Variants in CDYL observed in about 807,000 individuals in gnomAD.
CDYL encodes the protein chromodomain Y like, also known as chromodomain Y-like protein.
Under a neutral mutation model 47.3 loss-of-function variants are expected in CDYL, and 8 were observed. The observed-to-expected ratio is 0.17, with a 90% confidence interval of 0.10 to 0.31. The LOEUF (loss-of-function observed/expected upper bound fraction) is 0.31, where lower values mean the gene tolerates loss of function less well. Among genes scored for constraint, CDYL ranks in the 10% least tolerant of loss-of-function variants. The pLI is 1.00. For synonymous variants in CDYL, 266 were observed against 265.0 expected, an observed-to-expected ratio of 1.00 and a Z score of -0.04; for missense variants, 471 against 701.4, an observed-to-expected ratio of 0.67 and a Z score of 3.71.
At chr6:4,711,768 T>A (rs1757156782) in intron 1 of CDYL, among the ~76,000 whole-genome samples, 2 of 151,928 alleles carry the variant, frequency 1.3e-5, no homozygotes, top group African/African-American at 4.8e-5. Flanking sequence ...CAAGCGAGTA[T>A]AAAAGAAAAA....
In CDYL at chr6:4,759,736, G is replaced by A. The variant is rs559194717; in HGVS notation, c.186+24892G>A. ...TCTACTTAAAATGCAAAAATTAGCC[G>A]GGCGTGGGGGTGTGTGCCTGTAATC... is the stretch of plus-strand genomic sequence containing the variant. On this transcript the variant is annotated intron_variant, in intron 3 of 8. Transcript: ENST00000328908. Among the ~76,000 whole-genome samples, 98 of 150,892 alleles carry A rather than the reference G, an allele frequency of 6.5e-4. 1 individual carries two copies. The highest frequency in any genetic ancestry group is 1.9e-3 in the African/African-American group (79 of 41,176).
At chr6:4,905,457 G>A (rs575585583) in intron 2 of CDYL, among the ~76,000 whole-genome samples, 1 of 152,310 alleles carries the variant, frequency 6.6e-6, no homozygotes, top group South Asian at 2.1e-4. Context: ...ACAAAGGCAG[G>A]CCACATTTCA....
intron 2 of CDYL, among the ~76,000 whole-genome samples, chr6:4,932,614 A>G (rs1464495519): frequency 6.6e-6 from 1 of 152,104 alleles, no homozygotes; most frequent in East Asian, 1.9e-4. Flanking sequence ...ACTCTTAAAG[A>G]CCCAGGAGCT....
intron 1 of CDYL, among the ~76,000 whole-genome samples, chr6:4,819,304 T>C (rs774868828): frequency 3.9e-5 from 6 of 152,050 alleles, no homozygotes; most frequent in Non-Finnish European, 7.3e-5. Context: ...GGATACTTTA[T>C]TCATACTCAA....
At chr6:4,847,432 T>A (rs1760695007) in intron 1 of CDYL, among the ~76,000 whole-genome samples, 1 of 152,174 alleles carries the variant, frequency 6.6e-6, no homozygotes, top group Non-Finnish European at 1.5e-5. Context: ...TATTGCTCTT[T>A]GATTCCATTT....
chr6:4,860,278 T>A (rs949799000), intron 1 of CDYL, among the ~76,000 whole-genome samples: 9 of 152,010 alleles, frequency 5.9e-5, no homozygotes, highest in Admixed American at 5.2e-4. Flanking sequence ...AGTGTTAACG[T>A]TTCGTTACGT....
chr6:4,795,194 AAG>A (rs910636143), intron 1 of CDYL, among the ~76,000 whole-genome samples: 1 of 151,138 alleles, frequency 6.6e-6, no homozygotes, highest in South Asian at 2.1e-4. Context: ...CTAGCTTGTG[AAG>A]AGTTTTAAAT....
At chr6:4,785,359 G>A (rs544545681) in intron 1 of CDYL, among the ~76,000 whole-genome samples, 1 of 152,154 alleles carries the variant, frequency 6.6e-6, no homozygotes, top group Non-Finnish European at 1.5e-5. Flanking sequence ...TCTAGAGAAT[G>A]TCTTTTATTT....
chr6:4,785,542 A>G (rs78218166), intron 1 of CDYL, among the ~76,000 whole-genome samples: 4,366 of 152,166 alleles, frequency 0.029, 206 homozygotes, highest in African/African-American at 0.098. Flanking sequence ...TTAGTAGTTT[A>G]CTGTTTAGGA....
intron 2 of CDYL, among the ~76,000 whole-genome samples, chr6:4,900,818 T>TATCTATATATATATAGAGATAG (rs1757022629): frequency 1.1e-5 from 1 of 91,320 alleles, no homozygotes; most frequent in African/African-American, 4.6e-5. Flanking sequence ...TATATATATA[T>TATCTATATATATATAGAGATAG]ATATATATAT....
At chr6:4,714,625 C>T (rs1757219537) in intron 1 of CDYL, 1 of 152,280 alleles carries the variant, frequency 6.6e-6, no homozygotes, top group Admixed American at 6.5e-5. Context: ...ATTTCAGCTA[C>T]CCTGAACATT....
chr6:4,719,472 C>CA (rs1235823769), intron 2 of CDYL, among the ~76,000 whole-genome samples: 1 of 152,156 alleles, frequency 6.6e-6, no homozygotes, highest in Non-Finnish European at 1.5e-5. Context: ...CCCAGCTCTA[C>CA]ACCTATCTTG....
At chr6:4,825,855 A>G (rs1759967235) in intron 1 of CDYL, among the ~76,000 whole-genome samples, 1 of 151,948 alleles carries the variant, frequency 6.6e-6, no homozygotes, top group South Asian at 2.1e-4. Flanking sequence ...TGGCAAAAAA[A>G]AAAAAAAAAA....
intron 1 of CDYL, chr6:4,835,961 A>G (rs1031542458): frequency 3.9e-5 from 6 of 152,546 alleles, no homozygotes; most frequent in East Asian, 1.9e-4. Context: ...GAGTGACCCA[A>G]TTTTCCAGGT....
intron 1 of CDYL, among the ~76,000 whole-genome samples, chr6:4,835,536 T>G (rs1760274788): frequency 6.6e-6 from 1 of 152,202 alleles, no homozygotes; most frequent in South Asian, 2.1e-4. Flanking sequence ...GGGACCCACT[T>G]GAGGAGGCAG....
chr6:4,846,258 C>G (rs1733880080), intron 1 of CDYL, among the ~76,000 whole-genome samples: 1 of 151,616 alleles, frequency 6.6e-6, no homozygotes, highest in African/African-American at 2.4e-5. Context: ...CTGATAGCAC[C>G]CCAACCCCAC....
intron 1 of CDYL, among the ~76,000 whole-genome samples, chr6:4,877,697 A>T (rs1761657632): frequency 6.6e-6 from 1 of 152,216 alleles, no homozygotes; most frequent in South Asian, 2.1e-4. Context: ...GTAGATACTT[A>T]CACAGGTACT....
At chr6:4,937,885 T>G in intron 4 of CDYL, 148 bp downstream of exon 4, 1 of 639,194 alleles carries the variant, frequency 1.6e-6, no homozygotes, top group East Asian at 3.1e-5. Context: ...AATTAAATCA[T>G]CTGTCTCTTC....
rs58687851 is a variant in CDYL, at chr6:4,763,668, C to T, written c.186+28824C>T. 2.5e-4 allele frequency among the ~76,000 whole-genome samples: 38 copies of T among 152,208 alleles called. 1 individual carries two copies. The East Asian group carries it at 6.9e-3, about 28-fold the overall frequency. On this transcript the variant is annotated intron_variant, in intron 3 of 8. Transcript: ENST00000328908. ...AGAATAATTTTTTTGTAGGGCCAGG[C>T]GCGGTGGCTTACATCTGTAGTCCCA...
Sources: allele counts gnomAD v4.1 joint callset (sites outside exome capture counted in the v4.1 genomes callset), GRCh38; gene constraint gnomAD v4.1.1; transcripts MANE v1.5; gene names NCBI Gene and HGNC (gene_info 2026-07-23, HGNC 2026-07-21).